Variants in GPR160 observed in about 807,000 individuals in gnomAD.
GPR160 encodes G protein-coupled receptor 160, also known as probable G protein-coupled receptor 160.
GPR160 carries 2 observed loss-of-function variants against 2.6 expected under a neutral mutation model. The observed-to-expected ratio is 0.77, with a 90% CI of 0.32 to 2.44. The LOEUF (loss-of-function observed/expected upper bound fraction) is 2.44. GPR160 is among the 30% of genes most tolerant of loss of function. The pLI is 0.11. For synonymous variants in GPR160, 130 were observed against 132.2 expected (o/e 0.98, Z 0.12); for missense variants, 351 against 383.6 (o/e 0.91, Z 0.71).
In GPR160 at chr3:170,061,004, GT is replaced by G. The variant is rs1186475394; in HGVS notation, c.-192-18769del. Among the ~76,000 whole-genome samples, 6 of 152,216 alleles carry G rather than the reference GT, an allele frequency of 3.9e-5. No individual in the cohort carries two copies. The East Asian group carries it at 1.2e-3, about 29-fold the overall frequency. On this transcript the variant is annotated intron_variant, in intron 2 of 3. Transcript: ENST00000355897. ...AAAAATGTCAGTATTGCCGGGCACG[GT>G]GGCTCACACCTGTAATCCCAGCACT...
intron 2 of GPR160, chr3:170,062,489 T>C: frequency 1.6e-6 from 1 of 606,292 alleles, no homozygotes; most frequent in South Asian, 1.7e-5. Flanking sequence ...GGGAAACCAT[T>C]AGCTGGAATC....
chr3:170,070,983 C>T (rs1471924105), intron 2 of GPR160, among the ~76,000 whole-genome samples: 1 of 152,162 alleles, frequency 6.6e-6, no homozygotes. Context: ...AGAACATTTT[C>T]ATCTCTACAG....
intron 2 of GPR160, among the ~76,000 whole-genome samples, chr3:170,073,331 C>T (rs1403331738): frequency 6.6e-6 from 1 of 152,044 alleles, no homozygotes; most frequent in African/African-American, 2.4e-5. Flanking sequence ...GTCATATGAT[C>T]CTTTTTTAGT....
intron 2 of GPR160, chr3:170,077,890 G>A: frequency 5.9e-6 from 1 of 168,368 alleles, no homozygotes; most frequent in East Asian, 1.7e-4. Flanking sequence ...GAGGAACGCT[G>A]CAATGGATCG....
intron 2 of GPR160, among the ~76,000 whole-genome samples, chr3:170,076,291 A>G (rs1712845485): frequency 6.6e-6 from 1 of 152,174 alleles, no homozygotes; most frequent in Non-Finnish European, 1.5e-5. Flanking sequence ...CATATTTTCT[A>G]TATTGAATAT....
At chr3:170,048,340 T>C (rs571249735) in intron 2 of GPR160, among the ~76,000 whole-genome samples, 2 of 152,306 alleles carry the variant, frequency 1.3e-5, no homozygotes, top group Non-Finnish European at 2.9e-5. Flanking sequence ...TGATGAGTAC[T>C]CTAAAATCCT....
intron 3 of GPR160, chr3:170,083,415 C>G (rs1340744291): frequency 6.6e-6 from 1 of 152,146 alleles, no homozygotes; most frequent in Non-Finnish European, 1.5e-5. Flanking sequence ...TCTGAAGGAT[C>G]CTGCAGCTAA....
intron 2 of GPR160, among the ~76,000 whole-genome samples, chr3:170,047,431 T>C (rs1716770859): frequency 6.6e-6 from 1 of 152,264 alleles, no homozygotes; most frequent in Admixed American, 6.5e-5. Context: ...TCTGAAGGCA[T>C]TGACATTTGG....
At chr3:170,072,324 C>T (rs943690285) in intron 2 of GPR160, among the ~76,000 whole-genome samples, 1 of 152,144 alleles carries the variant, frequency 6.6e-6, no homozygotes, top group Non-Finnish European at 1.5e-5. Flanking sequence ...ATCCACCTGC[C>T]TCAGCCTTCC....
At chr3:170,065,742 T>C (rs1250960132) in intron 2 of GPR160, among the ~76,000 whole-genome samples, 1 of 152,238 alleles carries the variant, frequency 6.6e-6, no homozygotes, top group African/African-American at 2.4e-5. Context: ...ATTTGTGTAA[T>C]TGAGAATTGT....
intron 2 of GPR160, among the ~76,000 whole-genome samples, chr3:170,059,944 A>G (rs1159421768): frequency 6.6e-6 from 1 of 152,036 alleles, no homozygotes; most frequent in African/African-American, 2.4e-5. Context: ...TATGTATTTC[A>G]CTATTTCACA....
intron 2 of GPR160, among the ~76,000 whole-genome samples, chr3:170,056,727 T>C (rs1444752195): frequency 6.6e-6 from 1 of 152,234 alleles, no homozygotes; most frequent in Non-Finnish European, 1.5e-5. Flanking sequence ...TATAAAATAC[T>C]GGACAGAATC....
chr3:170,061,666 C>T (rs903109880), intron 2 of GPR160, among the ~76,000 whole-genome samples: 5 of 152,002 alleles, frequency 3.3e-5, no homozygotes, highest in Non-Finnish European at 5.9e-5. Context: ...ACTAAGATAA[C>T]CATCATTAAC....
At chr3:170,064,873 G>A (rs997283518) in intron 2 of GPR160, among the ~76,000 whole-genome samples, 2 of 152,072 alleles carry the variant, frequency 1.3e-5, no homozygotes, top group Admixed American at 6.6e-5. Flanking sequence ...GGTGTCTCCT[G>A]CCCACCCTGG....
At chr3:170,064,603 C>T (rs1576903791) in intron 2 of GPR160, among the ~76,000 whole-genome samples, 2 of 149,206 alleles carry the variant, frequency 1.3e-5, no homozygotes, top group East Asian at 4.0e-4. Context: ...GCTGCAATCT[C>T]CACCTCCCGC....
chr3:170,047,047 TC>T (rs2108311325), intron 2 of GPR160, among the ~76,000 whole-genome samples: 1 of 151,860 alleles, frequency 6.6e-6, no homozygotes, highest in Non-Finnish European at 1.5e-5. Context: ...AGGGCAGAGG[TC>T]TCCCCTGTCG....
chr3:170,065,899 G>A (rs989176674), intron 2 of GPR160, among the ~76,000 whole-genome samples: 1 of 151,796 alleles, frequency 6.6e-6, no homozygotes, highest in Non-Finnish European at 1.5e-5. Context: ...CATCTGCCAA[G>A]TTCCTACCCC....
chr3:170,072,255 AG>A (rs925224440), intron 2 of GPR160, among the ~76,000 whole-genome samples: 1 of 151,556 alleles, frequency 6.6e-6, no homozygotes, highest in Non-Finnish European at 1.5e-5. Flanking sequence ...TTGTATTTTT[AG>A]TAGATATGGG....
intron 2 of GPR160, among the ~76,000 whole-genome samples, chr3:170,050,569 C>G (rs570698846): frequency 6.6e-6 from 1 of 152,240 alleles, no homozygotes; most frequent in Admixed American, 6.5e-5. Context: ...ACCACGCCCA[C>G]CTAATTTTTT....
Sources: allele counts gnomAD v4.1 joint callset (sites outside exome capture counted in the v4.1 genomes callset), GRCh38; gene constraint gnomAD v4.1.1; transcripts MANE v1.5; gene names NCBI Gene and HGNC (gene_info 2026-07-23, HGNC 2026-07-21).